Variants in DPYD observed in about 807,000 individuals in gnomAD.
The protein encoded by DPYD is dihydropyrimidine dehydrogenase, also known as dihydropyrimidine dehydrogenase [NADP(+)].
Under a neutral mutation model 116.2 loss-of-function variants are expected in DPYD, and 109 were observed. The ratio of observed to expected loss-of-function variants is 0.94; its 90% CI spans 0.80 to 1.10. DPYD has a LOEUF of 1.10. DPYD is among the 50% of genes least tolerant of loss of function. DPYD has a pLI of 0.00. For synonymous variants in DPYD, 440 were observed against 432.0 expected (o/e 1.02, Z -0.23); for missense variants, 1,302 against 1,254.5 (o/e 1.04, Z -0.57).
At chr1:97,918,156 T>C (rs1205785699) in intron 1 of DPYD, among the ~76,000 whole-genome samples, 1 of 152,250 alleles carries the variant, frequency 6.6e-6, no homozygotes, top group Non-Finnish European at 1.5e-5. Context: ...AATCATTTCA[T>C]TGGAAGTGAT....
chr1:97,508,637 C>T (rs924631556), intron 13 of DPYD, among the ~76,000 whole-genome samples: 8 of 152,072 alleles, frequency 5.3e-5, no homozygotes, highest in Admixed American at 3.3e-4. Context: ...GACATGAGTG[C>T]AGTCAAACTG....
At chr1:97,625,831 G>T (rs967868054) in intron 8 of DPYD, among the ~76,000 whole-genome samples, 3 of 151,940 alleles carry the variant, frequency 2.0e-5, no homozygotes, top group Non-Finnish European at 4.4e-5. Context: ...TGTTATGGCA[G>T]CCCTGGCAAT....
At chr1:97,519,677 G>A (rs781064973) in intron 12 of DPYD, among the ~76,000 whole-genome samples, 1 of 152,120 alleles carries the variant, frequency 6.6e-6, no homozygotes, top group African/African-American at 2.4e-5. Context: ...AAAGCCAAAG[G>A]AGGCTAAATG....
chr1:97,331,186 T>C (rs866502202), intron 16 of DPYD, among the ~76,000 whole-genome samples: 2 of 151,964 alleles, frequency 1.3e-5, no homozygotes, highest in Admixed American at 6.6e-5. Context: ...CAAACCTATA[T>C]ATTGAGGATG....
At chr1:97,729,911 ATTG>A (rs1663491050) in intron 4 of DPYD, among the ~76,000 whole-genome samples, 1 of 152,132 alleles carries the variant, frequency 6.6e-6, no homozygotes, top group Non-Finnish European at 1.5e-5. Flanking sequence ...TTGCCTCTAT[ATTG>A]TTCTAGCTAA....
intron 16 of DPYD, among the ~76,000 whole-genome samples, chr1:97,368,789 G>T (rs758236536): frequency 6.6e-6 from 1 of 152,340 alleles, no homozygotes; most frequent in Non-Finnish European, 1.5e-5. Flanking sequence ...CATATTCTTA[G>T]TCAAATGTTT....
At chr1:97,674,415 A>G (rs1268717996) in intron 8 of DPYD, among the ~76,000 whole-genome samples, 1 of 152,218 alleles carries the variant, frequency 6.6e-6, no homozygotes, top group Non-Finnish European at 1.5e-5. Flanking sequence ...AGAAGAACAT[A>G]TAAAGTTTGA....
intron 20 of DPYD, among the ~76,000 whole-genome samples, chr1:97,174,001 T>C (rs1056661354): frequency 1.3e-5 from 2 of 151,866 alleles, no homozygotes; most frequent in Non-Finnish European, 2.9e-5. Flanking sequence ...TTCAGTTCTA[T>C]AAATGTTATA....
chr1:97,276,152 T>C (rs1664914936), intron 18 of DPYD, among the ~76,000 whole-genome samples: 1 of 152,090 alleles, frequency 6.6e-6, no homozygotes, highest in Non-Finnish European at 1.5e-5. Context: ...ATGTCTTAAG[T>C]TCAACATATC....
chr1:97,485,440 G>A (rs557580999), intron 13 of DPYD, among the ~76,000 whole-genome samples: 4 of 152,306 alleles, frequency 2.6e-5, no homozygotes, highest in African/African-American at 7.2e-5. Context: ...GAGCTCAGGT[G>A]ATCCACCCAC....
intron 13 of DPYD, among the ~76,000 whole-genome samples, chr1:97,483,885 G>GA (rs34463725): frequency 1.8e-4 from 27 of 151,092 alleles, no homozygotes; most frequent in African/African-American, 4.1e-4. Flanking sequence ...ACAGAACTGT[G>GA]AAAAAAAAAA....
chr1:97,208,750 C>T lies in DPYD; in HGVS notation c.2443-15502G>A, dbSNP rs544699339. ...CAAACAAAATTGTTGACTGAAGCAGCCTGAGGTTATGCTGTTTGTTTTCTG... is the reference window on the plus strand; with the variant it reads ...CAAACAAAATTGTTGACTGAAGCAGTCTGAGGTTATGCTGTTTGTTTTCTG... On this transcript the variant is annotated intron_variant, in intron 19 of 22. Transcript: ENST00000370192. Among the ~76,000 whole-genome samples, 7 of 152,166 alleles carry T rather than the reference C, an allele frequency of 4.6e-5. No individual in the cohort carries two copies. The South Asian group carries it at 1.5e-3, about 32-fold the overall frequency.
chr1:97,457,943 T>A (rs7531138), intron 13 of DPYD, among the ~76,000 whole-genome samples: 62,423 of 151,998 alleles, frequency 0.41, 13,188 homozygotes, highest in Middle Eastern at 0.54. Context: ...ATCAGATGGA[T>A]TAGAACGTGA....
intron 21 of DPYD, among the ~76,000 whole-genome samples, chr1:97,084,504 AT>A (rs918282593): frequency 2.5e-4 from 38 of 151,112 alleles, no homozygotes; most frequent in African/African-American, 7.8e-4. Context: ...TTTCTTAAAA[AT>A]TTTTTTTGAT....
intron 14 of DPYD, among the ~76,000 whole-genome samples, chr1:97,389,953 T>G (rs1305261868): frequency 6.6e-6 from 1 of 152,062 alleles, no homozygotes; most frequent in Non-Finnish European, 1.5e-5. Context: ...CAACTTTTTT[T>G]GTTTTGACAA....
intron 3 of DPYD, 31 bp from the exon 4 acceptor site, chr1:97,740,510 T>C (rs1200589719): frequency 7.0e-6 from 11 of 1,560,876 alleles, no homozygotes; most frequent in Non-Finnish European, 8.8e-6. Flanking sequence ...GTTAAGAAAC[T>C]ACAAGATAAG....
intron 3 of DPYD, among the ~76,000 whole-genome samples, chr1:97,756,296 A>G (rs535997092): frequency 2.0e-5 from 3 of 152,300 alleles, no homozygotes; most frequent in African/African-American, 7.2e-5. Flanking sequence ...CATTTGCACG[A>G]TGAGTTACAT....
At chr1:97,645,245 T>C (rs1465261253) in intron 8 of DPYD, among the ~76,000 whole-genome samples, 1 of 152,100 alleles carries the variant, frequency 6.6e-6, no homozygotes, top group Non-Finnish European at 1.5e-5. Context: ...GATGGTTTTA[T>C]ATAATAATTG....
rs779967271 is a variant in DPYD, at chr1:97,549,603, T to C, written c.1481A>G (p.Asn494Ser). Residue 494 changes from asparagine to serine, a missense_variant, in exon 12 of 23, where the codon AAT becomes AGT. Coordinates refer to ENST00000370192, the MANE Select transcript of DPYD (RefSeq NM_000110.4). ...GLANTTVESV[N>S]DGKQASWYIH... ...GTACCAAGAAGCTTGCTTTCCATCA[T>C]TCACCGATTCCACTGTAGTGTTAGC... The C allele has an allele frequency of 1.2e-6, 2 of 1,613,876 alleles. No homozygotes were observed. The highest frequency in any genetic ancestry group is 1.7e-6 in the Non-Finnish European group (2 of 1,179,856).
Sources: gnomAD v4.1 joint callset for allele counts (sites outside exome capture counted in the v4.1 genomes callset) on GRCh38, gnomAD v4.1.1 for gene constraint, MANE v1.5 for transcripts, NCBI Gene and HGNC (gene_info 2026-07-23, HGNC 2026-07-21) for gene names.